Variants in MTERF4 observed in about 807,000 individuals in gnomAD.
The protein encoded by MTERF4 is mitochondrial transcription termination factor 4.
A neutral mutation model predicts 22.5 loss-of-function variants in MTERF4; 17 were observed. That is an observed-to-expected ratio of 0.75 (90% confidence interval 0.52 to 1.13). MTERF4 has a LOEUF of 1.13. Ranked by LOEUF, MTERF4 falls within the 50% of genes most tolerant of loss-of-function variation. MTERF4 has a pLI of 0.00. For missense variants in MTERF4, 420 were observed against 466.8 expected (o/e 0.90, Z 0.92); for synonymous variants, 165 against 175.3 (o/e 0.94, Z 0.47).
At chr2:241,052,125 C>A in the MTERF4 span, 2 of 1,613,826 alleles carry the variant, frequency 1.2e-6, no homozygotes, top group Non-Finnish European at 1.7e-6. Flanking sequence ...TGTGACTGTC[C>A]CCCAGGCTTC....
chr2:241,054,527 C>T, the MTERF4 span, among the ~76,000 whole-genome samples: 4 of 152,262 alleles, frequency 2.6e-5, no homozygotes, highest in South Asian at 8.3e-4. Context: ...ATGAGCCTGC[C>T]ACTGTACTCC....
At chr2:241,064,914 C>A in the MTERF4 span, 1 of 1,586,442 alleles carries the variant, frequency 6.3e-7, no homozygotes, top group Non-Finnish European at 8.5e-7. This position sits in a 1 kb window ranked among gnomAD's most constrained non-coding sequence, Gnocchi z 7.0. Context: ...GCTCCCACAG[C>A]TGCACCTGCA....
rs778454949 is a variant in MTERF4 at position 241,096,221 on chromosome 2, G to C, written c.923C>G (p.Thr308Ser). 3 of 1,614,166 alleles carry C rather than the reference G, an allele frequency of 1.9e-6. No individual in the cohort carries two copies. The highest frequency in any genetic ancestry group is 2.5e-6 in the Non-Finnish European group (3 of 1,180,040). The change falls in exon 4 of 4, where the codon ACT (threonine) becomes AGT (serine). Residue 308 changes from threonine to serine, a missense_variant. Transcript: ENST00000391980. This position sits in a 1 kb window ranked among gnomAD's most constrained non-coding sequence, Gnocchi z 5.1. ...AAAAACTTGAAACTCCTCAACAGAA[G>C]TACAGGCTGTCCTGGCCAAAAACTC... Reference protein sequence around the residue: ...EAEFLARTACTSVEEFQVFKK... With the variant: ...EAEFLARTACSSVEEFQVFKK...
the MTERF4 span, chr2:241,053,392 A>G: frequency 5.4e-6 from 8 of 1,472,012 alleles, no homozygotes; most frequent in Non-Finnish European, 5.5e-6. Context: ...GGCCATGTGG[A>G]GGAGCACAGG....
intron 1 of MTERF4, among the ~76,000 whole-genome samples, chr2:241,101,646 A>C (rs1484993289): frequency 1.3e-5 from 2 of 152,260 alleles, no homozygotes; most frequent in Admixed American, 6.5e-5. Flanking sequence ...CGCTGGGGTC[A>C]GCGGGCGCGG....
chr2:241,053,588 A>G, the MTERF4 span, among the ~76,000 whole-genome samples: 3 of 152,296 alleles, frequency 2.0e-5, no homozygotes, highest in East Asian at 1.9e-4. Context: ...CAAACACCCA[A>G]ATACCCACTC....
intron 2 of MTERF4, among the ~76,000 whole-genome samples, chr2:241,098,422 A>G (rs1287551441): frequency 6.6e-6 from 1 of 152,210 alleles, no homozygotes. Flanking sequence ...AAGAGTCAAT[A>G]ATGCAAAGAA....
At chr2:241,043,112 T>C in the MTERF4 span, among the ~76,000 whole-genome samples, 3 of 152,216 alleles carry the variant, frequency 2.0e-5, no homozygotes, top group Non-Finnish European at 4.4e-5. Context: ...AGGAGTGTTA[T>C]AGAAAAAGTA....
rs191941610 is a variant in MTERF4, at chr2:241,072,734, G to A, written n.3428C>T. The A allele has an allele frequency of 1.5e-5, 3 of 199,582 alleles. No individual in the cohort carries two copies. In the East Asian group the frequency reaches 4.2e-4, roughly 28 times the overall value. The allele number at this position is 199,582 out of a possible 1,614,324, so 12.4% of individuals were successfully genotyped here. A position where few individuals can be genotyped will look rare whatever the true frequency, so the allele number is the denominator to read the frequency against. On this transcript the variant is annotated non_coding_transcript_exon_variant, in exon 5 of 5. Transcript: ENST00000464344. ...GGGATGCCCAGTGGTGGGCAGGTGA[G>A]ATCTGGAGTACAGAGGGGGGCCCGT...
At chr2:241,088,223 G>A, downstream of MTERF4, 1 of 687,616 alleles carries the variant, frequency 1.5e-6, no homozygotes. Context: ...CCACAGCGGT[G>A]TCTGGACTAA....
intron 4 of MTERF4, among the ~76,000 whole-genome samples, chr2:241,079,328 C>T (rs1445765504): frequency 6.6e-6 from 1 of 150,824 alleles, no homozygotes; most frequent in African/African-American, 2.4e-5. Context: ...AGGAGAATGG[C>T]ATGAACCCAG....
chr2:241,067,869 G>A (rs756388828), downstream of MTERF4: 56 of 1,613,374 alleles, frequency 3.5e-5, no homozygotes, highest in Non-Finnish European at 4.2e-5. Context: ...AGTGGGGTCC[G>A]TGTGTCCATC....
chr2:241,063,638 A>G, the MTERF4 span: 4 of 1,611,638 alleles, frequency 2.5e-6, no homozygotes, highest in Admixed American at 1.7e-5. Context: ...TCCTGCAGGA[A>G]CCTCCCAGGG....
At position 241,095,810 on chromosome 2, in the gene MTERF4, C is replaced by T; in HGVS notation, c.*188G>A. 9.8e-7 allele frequency: 1 copy of T among 1,016,624 alleles called. No individual in the cohort carries two copies. Among genetic ancestry groups the T allele is most frequent in the Non-Finnish European group, 1.4e-6 (1 of 697,508 alleles). The allele number at this position is 1,016,624 out of a possible 1,614,324, so 63.0% of individuals were successfully genotyped here. A position where few individuals can be genotyped will look rare whatever the true frequency, so the allele number is the denominator to read the frequency against. On this transcript the variant is annotated 3_prime_UTR_variant, in exon 4 of 4. Coordinates refer to ENST00000391980, the MANE Select transcript of MTERF4 (RefSeq NM_182501.4). ...GACACGTGACAACAGATCAAACATGCATTTCCTGTTTCCTGTTTGGTTTGA... is the reference window on the plus strand; with the variant it reads ...GACACGTGACAACAGATCAAACATGTATTTCCTGTTTCCTGTTTGGTTTGA...
chr2:241,063,898 C>A, the MTERF4 span: 1 of 862,880 alleles, frequency 1.2e-6, no homozygotes. Flanking sequence ...CCCACTGCCC[C>A]TCTCTCCTGG....
chr2:241,068,546 C>T (rs1478012653), downstream of MTERF4, among the ~76,000 whole-genome samples: 1 of 152,110 alleles, frequency 6.6e-6, no homozygotes, highest in East Asian at 1.9e-4. This position sits in a 1 kb window ranked among gnomAD's most constrained non-coding sequence, Gnocchi z 5.3. Context: ...CTCACGTTGT[C>T]CTGTGGTTTC....
At chr2:241,077,932 TA>T (rs1471947378) in intron 4 of MTERF4, among the ~76,000 whole-genome samples, 6 of 152,130 alleles carry the variant, frequency 3.9e-5, no homozygotes, top group African/African-American at 1.4e-4. Flanking sequence ...CTTAAAGGAT[TA>T]AACCAATAGT....
downstream of MTERF4, chr2:241,071,698 GA>G: frequency 2.1e-6 from 2 of 970,068 alleles, no homozygotes; most frequent in Non-Finnish European, 2.9e-6. Flanking sequence ...CAGCGCCCCC[GA>G]GACCCCCACC....
intron 4 of MTERF4, among the ~76,000 whole-genome samples, chr2:241,077,058 G>A (rs933809068): frequency 1.3e-5 from 2 of 148,638 alleles, no homozygotes; most frequent in East Asian, 2.0e-4. Context: ...CAGCCTGGGC[G>A]ACAGAGCGAG....
Sources: allele counts gnomAD v4.1 joint callset (sites outside exome capture counted in the v4.1 genomes callset), GRCh38; gene constraint gnomAD v4.1.1; non-coding constraint Gnocchi (gnomAD v3.1); transcripts MANE v1.5; gene names NCBI Gene and HGNC (gene_info 2026-07-23, HGNC 2026-07-21).